AUTS2: variants seen among roughly 807,000 people sequenced by gnomAD.
The protein encoded by AUTS2 is activator of transcription and developmental regulator AUTS2.
Under a neutral mutation model 112.4 loss-of-function variants are expected in AUTS2, and 17 were observed. The observed-to-expected ratio is 0.15, with a 90% CI of 0.10 to 0.23. AUTS2 has a LOEUF of 0.23. Ranked by LOEUF, AUTS2 falls within the 10% of genes least tolerant of loss-of-function variation. The pLI is 1.00. For missense variants in AUTS2, 1,510 were observed against 1,701.6 expected, an observed-to-expected ratio of 0.89 and a Z score of 1.98; for synonymous variants, 751 against 702.7, an observed-to-expected ratio of 1.07 and a Z score of -1.09.
Position 70,733,610 on chromosome 7 carries a change from G to A in AUTS2, c.743-29260G>A, listed in dbSNP as rs144665941. Among the ~76,000 whole-genome samples, 238 of 137,210 alleles carry A rather than the reference G, an allele frequency of 1.7e-3. 2 individuals are homozygous for A. Among genetic ancestry groups the A allele is most frequent in the Middle Eastern group, 8.7e-3 (2 of 230 alleles). The allele number at this position is 137,210 out of a possible 152,430, so 90.0% of individuals were successfully genotyped here. A position where few individuals can be genotyped will look rare whatever the true frequency, so the allele number is the denominator to read the frequency against. ...TTAGTTTTTTGGGTTTTTTTGAGACGGAGTCTCACTCTGTCACCCAGGCTA... is the reference window on the plus strand; with the variant it reads ...TTAGTTTTTTGGGTTTTTTTGAGACAGAGTCTCACTCTGTCACCCAGGCTA... On this transcript the variant is annotated intron_variant, in intron 6 of 18. Transcript: ENST00000342771.
intron 2 of AUTS2, among the ~76,000 whole-genome samples, chr7:70,050,815 C>T (rs1010169904): frequency 2.0e-5 from 3 of 151,950 alleles, no homozygotes; most frequent in Non-Finnish European, 4.4e-5. Context: ...GCCAATATGG[C>T]GAAACCCCAC....
chr7:70,789,745 C>A lies in AUTS2; in HGVS notation c.2532-3C>A, dbSNP rs761257419. On this transcript the variant is annotated splice_polypyrimidine_tract_variant and splice_region_variant and intron_variant, in intron 18 of 18. Transcript: ENST00000342771. The stretch of plus-strand genomic sequence containing the variant: ...CGTCCTTGTCTTCCCCTCTCTCCCC[C>A]AGGGAAAGCGTCGAGAAGAGACACT... The A allele has an allele frequency of 6.2e-7, 1 of 1,608,920 alleles. No individual in the cohort carries two copies. Among genetic ancestry groups the A allele is most frequent in the Admixed American group, 1.7e-5 (1 of 59,516 alleles).
chr7:70,765,324 C>T (rs1208790561), intron 8 of AUTS2, among the ~76,000 whole-genome samples: 1 of 152,148 alleles, frequency 6.6e-6, no homozygotes, highest in East Asian at 1.9e-4. Context: ...TCTGGGCTCC[C>T]CTGAGGGCGA....
chr7:70,338,647 A>C (rs182768617), intron 4 of AUTS2, among the ~76,000 whole-genome samples: 1 of 152,138 alleles, frequency 6.6e-6, no homozygotes, highest in Admixed American at 6.5e-5. Context: ...CAATTCAGGG[A>C]TGAGTATTCC....
chr7:70,719,188 C>T (rs1810534684), intron 6 of AUTS2, among the ~76,000 whole-genome samples: 1 of 152,172 alleles, frequency 6.6e-6, no homozygotes, highest in Non-Finnish European at 1.5e-5. Context: ...CACCTAGTTA[C>T]GTCCTCCACA....
chr7:70,291,657 C>G (rs1190576553), intron 4 of AUTS2: 1 of 152,150 alleles, frequency 6.6e-6, no homozygotes, highest in East Asian at 1.9e-4. Flanking sequence ...CATTTTAGTT[C>G]TAACCTTTGA....
rs17565867 is a variant in AUTS2, at chr7:70,395,645, A to G, written c.661-40107A>G. 8.7e-3 allele frequency among the ~76,000 whole-genome samples: 1,318 copies of G among 152,332 alleles called. 27 individuals carry two copies. The highest frequency in any genetic ancestry group is 0.063 in the South Asian group (303 of 4,830). ...CTCAGTTAGCTGCCATGTGCTTAAC[A>G]TAGGTTGAAAGTTAGTTGACAGCTT... is the stretch of plus-strand genomic sequence containing the variant. On this transcript the variant is annotated intron_variant, in intron 4 of 18. Coordinates refer to ENST00000342771, the MANE Select transcript of AUTS2 (RefSeq NM_015570.4).
At chr7:69,974,255 G>A (rs1326624155) in intron 2 of AUTS2, among the ~76,000 whole-genome samples, 1 of 150,346 alleles carries the variant, frequency 6.7e-6, no homozygotes, top group East Asian at 1.9e-4. Flanking sequence ...CTTGATGTCT[G>A]TATAGTTATA....
chr7:69,622,457 T>C (rs931321463), intron 1 of AUTS2, among the ~76,000 whole-genome samples: 7 of 152,358 alleles, frequency 4.6e-5, no homozygotes, highest in African/African-American at 7.2e-5. Context: ...GGTTAGATAC[T>C]GTGGGCTCCA....
At chr7:70,662,060 G>C (rs1807105209) in intron 5 of AUTS2, among the ~76,000 whole-genome samples, 1 of 152,206 alleles carries the variant, frequency 6.6e-6, no homozygotes, top group Non-Finnish European at 1.5e-5. Context: ...GCAGACACCT[G>C]AAGCCAGAGA....
At chr7:70,784,773 A>C (rs913468449) in intron 15 of AUTS2, 169 bp from the exon 16 acceptor site, 34 of 139,950 alleles carry the variant, frequency 2.4e-4, no homozygotes, top group Admixed American at 5.1e-4. Context: ...AAAAAAAAAA[A>C]CACACATTTT....
chr7:69,952,321 G>A (rs1017941398), intron 2 of AUTS2, among the ~76,000 whole-genome samples: 7 of 152,144 alleles, frequency 4.6e-5, no homozygotes, highest in African/African-American at 1.7e-4. Context: ...TTATTAAGAT[G>A]TTAATGTGAT....
At chr7:70,554,079 T>TC (rs1801139513) in intron 5 of AUTS2, among the ~76,000 whole-genome samples, 1 of 147,710 alleles carries the variant, frequency 6.8e-6, no homozygotes, top group Non-Finnish European at 1.5e-5. Context: ...CTTTTTTTTT[T>TC]TTTTTTGAGA....
At chr7:70,590,122 TTG>T (rs55775984) in intron 5 of AUTS2, among the ~76,000 whole-genome samples, 5,011 of 143,276 alleles carry the variant, frequency 0.035, 164 homozygotes, top group Admixed American at 0.08. Flanking sequence ...GTTTTTGCAT[TTG>T]TGTGTGTGTG....
intron 14 of AUTS2, among the ~76,000 whole-genome samples, chr7:70,778,508 A>AG (rs1462258688): frequency 6.6e-6 from 1 of 151,972 alleles, no homozygotes; most frequent in Non-Finnish European, 1.5e-5. Context: ...AGGCTGAGGC[A>AG]GGAGAACCCC....
chr7:69,819,768 C>A lies in AUTS2; in HGVS notation c.310-79518C>A, dbSNP rs1333332343. On this transcript the variant is annotated intron_variant, in intron 1 of 18. Transcript: ENST00000342771. ...AAATAGCTGGGACCATAGGCACATG[C>A]CACTGAGCCTGGCTAATTTTAGTGT... Among the ~76,000 whole-genome samples, 3 of 152,214 alleles carry A rather than the reference C, an allele frequency of 2.0e-5. No homozygotes were observed. In the East Asian group the frequency reaches 5.8e-4, roughly 29 times the overall value.
chr7:69,941,042 A>G lies in AUTS2; in HGVS notation c.522+41544A>G, dbSNP rs150051566. ...ATGGATGGCTTTGCCCAGTTAGAGA[A>G]TAATTCCTGCTGAGAGAATACACAT... On this transcript the variant is annotated intron_variant, in intron 2 of 18. Coordinates refer to ENST00000342771, the MANE Select transcript of AUTS2 (RefSeq NM_015570.4). Among the ~76,000 whole-genome samples the G allele has an allele frequency of 2.1e-3, 323 of 152,338 alleles. 2 individuals are homozygous for G. The highest frequency in any genetic ancestry group is 7.4e-3 in the African/African-American group (308 of 41,588).
chr7:70,747,406 G>A (rs1788520663), intron 6 of AUTS2, among the ~76,000 whole-genome samples: 1 of 152,156 alleles, frequency 6.6e-6, no homozygotes, highest in African/African-American at 2.4e-5. Context: ...TCTTTCTAGA[G>A]GCTACTTTGT....
chr7:69,823,365 C>A (rs752506949), intron 1 of AUTS2, among the ~76,000 whole-genome samples: 9 of 152,196 alleles, frequency 5.9e-5, no homozygotes, highest in Admixed American at 5.9e-4. Context: ...GAACTCCACT[C>A]AGCATAGACT....
Sources: allele counts gnomAD v4.1 joint callset (sites outside exome capture counted in the v4.1 genomes callset), GRCh38; gene constraint gnomAD v4.1.1; transcripts MANE v1.5; gene names NCBI Gene and HGNC (gene_info 2026-07-23, HGNC 2026-07-21).